Variants in RASA4 observed in about 807,000 individuals in gnomAD.
RASA4 encodes RAS p21 protein activator 4.
Under a neutral mutation model 24.0 loss-of-function variants are expected in RASA4, and 5 were observed. That is an observed-to-expected ratio of 0.21 (90% CI 0.11 to 0.44). The LOEUF (loss-of-function observed/expected upper bound fraction) is 0.44. Among genes scored for constraint, RASA4 ranks in the 20% least tolerant of loss-of-function variants. The pLI, the probability that RASA4 is intolerant of heterozygous loss-of-function variation, is 0.99. For missense variants in RASA4, 38 were observed against 293.0 expected (o/e 0.13, Z 6.35); for synonymous variants, 9 against 132.7 (o/e 0.07, Z 6.41).
intron 16 of RASA4, among the ~76,000 whole-genome samples, chr7:102,591,857 G>A (rs1157190689): frequency 2.7e-5 from 4 of 150,342 alleles, no homozygotes; most frequent in Non-Finnish European, 5.9e-5. Flanking sequence ...TTTTTGAGAT[G>A]GAGTCTTGCT....
chr7:102,603,797 C>T (rs1234415715), intron 5 of RASA4, among the ~76,000 whole-genome samples: 7 of 133,238 alleles, frequency 5.3e-5, no homozygotes, highest in South Asian at 2.3e-4. Flanking sequence ...GCCAAGAAAA[C>T]GCCACTGCAC....
intron 5 of RASA4, among the ~76,000 whole-genome samples, chr7:102,604,633 A>G (rs1480840009): frequency 2.9e-5 from 4 of 138,230 alleles, no homozygotes; most frequent in Admixed American, 7.2e-5. Flanking sequence ...GGCGGGGGGG[A>G]ATGAATGGCA....
chr7:102,599,636 AAAAT>A (rs1215978100), intron 8 of RASA4, among the ~76,000 whole-genome samples: 19 of 146,404 alleles, frequency 1.3e-4, no homozygotes, highest in African/African-American at 2.7e-4. Context: ...ACTCCATCTC[AAAAT>A]AAATAAATAA....
At chr7:102,611,992 C>G (rs1790864789) in intron 1 of RASA4, 1 of 122,800 alleles carries the variant, frequency 8.1e-6, no homozygotes, top group Non-Finnish European at 1.7e-5. Flanking sequence ...ATCCCTGCCT[C>G]CCCCCAGAAC....
At chr7:102,594,970 T>G (rs1790126039) in intron 11 of RASA4, among the ~76,000 whole-genome samples, 1 of 53,928 alleles carries the variant, frequency 1.9e-5, no homozygotes, top group African/African-American at 4.0e-5. Context: ...TGGCTCCTGG[T>G]TCAAGTGAGT....
chr7:102,590,712 A>G (rs1449877137), intron 16 of RASA4, among the ~76,000 whole-genome samples: 5 of 145,252 alleles, frequency 3.4e-5, no homozygotes, highest in Non-Finnish European at 6.0e-5. Context: ...AGGCCGAGGA[A>G]GGCGGATCAC....
intron 4 of RASA4, among the ~76,000 whole-genome samples, chr7:102,606,631 G>A (rs1230842781): frequency 3.7e-4 from 29 of 79,222 alleles, no homozygotes; most frequent in African/African-American, 1.0e-3. Flanking sequence ...ACAAGATTGC[G>A]CCATTGCACT....
At chr7:102,587,096 C>CAAA (rs1789792976) in intron 18 of RASA4, among the ~76,000 whole-genome samples, 1 of 1,008 alleles carries the variant, frequency 9.9e-4, no homozygotes, top group African/African-American at 1.1e-3. Flanking sequence ...GACTCAGTAT[C>CAAA]AAACAACAAC....
At chr7:102,591,128 A>C (rs1789978841) in intron 16 of RASA4, among the ~76,000 whole-genome samples, 2 of 99,554 alleles carry the variant, frequency 2.0e-5, no homozygotes, top group Non-Finnish European at 3.8e-5. Flanking sequence ...GCAAAAAAAA[A>C]AGTTAAAGAA....
intron 4 of RASA4, among the ~76,000 whole-genome samples, chr7:102,606,408 A>AT (rs769780211): frequency 0.096 from 3,546 of 36,944 alleles, 24 homozygotes; most frequent in East Asian, 0.29. Context: ...AAAAAAAAAA[A>AT]AAAAAAAAAA....
intron 11 of RASA4, among the ~76,000 whole-genome samples, chr7:102,594,908 T>A (rs1586841103): frequency 2.2e-5 from 1 of 46,054 alleles, no homozygotes; most frequent in African/African-American, 4.7e-5. Context: ...GGGCACGGAG[T>A]CTAGCACGGG....
chr7:102,591,808 G>C (rs934604128), intron 16 of RASA4, among the ~76,000 whole-genome samples: 3 of 147,904 alleles, frequency 2.0e-5, no homozygotes, highest in African/African-American at 7.6e-5. Flanking sequence ...CAACAACCTG[G>C]TAAGGTCGGA....
Position 102,606,395 on chromosome 7 carries a change from C to CAAAAAAA in RASA4, c.299-415_299-409dup, listed in dbSNP as rs555519087. On this transcript the variant is annotated intron_variant, in intron 4 of 20. Coordinates refer to ENST00000262940, the MANE Select transcript of RASA4 (RefSeq NM_006989.6). The stretch of plus-strand genomic sequence containing the variant: ...TGGGTGACAGAGCAAGACCCCATCT[C>CAAAAAAA]AAAAAAAAAAAAAAAAAAAAAAAAA... 2.5e-3 allele frequency among the ~76,000 whole-genome samples: 138 copies of CAAAAAAA among 55,472 alleles called. 1 individual carries two copies. The highest frequency in any genetic ancestry group is 4.3e-3 in the East Asian group (5 of 1,166). 36.4% of individuals were successfully genotyped at this position (55,472 alleles called of 152,430 possible).
chr7:102,602,955 T>C (rs1189753486), intron 5 of RASA4, among the ~76,000 whole-genome samples: 1 of 151,014 alleles, frequency 6.6e-6, no homozygotes, highest in Non-Finnish European at 1.5e-5. Flanking sequence ...CTAGTCACGG[T>C]ACCTCCAGCT....
chr7:102,610,151 C>T (rs1302587857), intron 2 of RASA4, among the ~76,000 whole-genome samples: 11 of 77,844 alleles, frequency 1.4e-4, no homozygotes, highest in Admixed American at 6.9e-4. Context: ...GGTGGGGAGA[C>T]GCTGAAGCCC....
intron 8 of RASA4, among the ~76,000 whole-genome samples, chr7:102,597,424 TA>T (rs1173490070): frequency 1.5e-4 from 1 of 6,896 alleles, no homozygotes; most frequent in African/African-American, 1.6e-4. Flanking sequence ...TCTTCTTCTT[TA>T]TTTATTTTTT....
intron 5 of RASA4, among the ~76,000 whole-genome samples, chr7:102,604,536 G>A (rs1430814813): frequency 6.6e-6 from 1 of 152,292 alleles, no homozygotes; most frequent in East Asian, 1.9e-4. Flanking sequence ...ACGTGTGTGA[G>A]CGGGTGCACA....
intron 8 of RASA4, among the ~76,000 whole-genome samples, 178 bp downstream of exon 8, chr7:102,599,682 G>A (rs1790364441): frequency 6.9e-6 from 1 of 144,128 alleles, no homozygotes; most frequent in Non-Finnish European, 1.6e-5. Context: ...GGGAGGTGGA[G>A]CCCAGCCAGG....
chr7:102,603,581 A>C (rs1460103315), intron 5 of RASA4, among the ~76,000 whole-genome samples: 1 of 151,288 alleles, frequency 6.6e-6, no homozygotes, highest in African/African-American at 2.4e-5. Context: ...TCCCCTACTT[A>C]GAACTCTTTG....
Sources: allele counts gnomAD v4.1 joint callset (sites outside exome capture counted in the v4.1 genomes callset), GRCh38; gene constraint gnomAD v4.1.1; transcripts MANE v1.5; gene names NCBI Gene and HGNC (gene_info 2026-07-23, HGNC 2026-07-21).